The following NLGN1 variants were observed in gnomAD, a reference collection of about 807,000 sequenced individuals.
The protein encoded by NLGN1 is neuroligin-1.
NLGN1 carries 12 observed loss-of-function variants against 65.5 expected under a neutral mutation model. That is an observed-to-expected ratio of 0.18 (90% CI 0.12 to 0.30). NLGN1 has a LOEUF of 0.30. NLGN1 is among the 10% of genes least tolerant of loss of function. The pLI, the probability that NLGN1 is intolerant of heterozygous loss-of-function variation, is 1.00. For missense variants in NLGN1, 750 were observed against 1,007.1 expected, an observed-to-expected ratio of 0.74 and a Z score of 3.46; for synonymous variants, 350 against 359.5, an observed-to-expected ratio of 0.97 and a Z score of 0.30.
rs534717590 is a variant in NLGN1, at chr3:173,588,942, A to G, written c.-320-15337A>G. Among the ~76,000 whole-genome samples, 11 of 152,344 alleles carry G rather than the reference A, an allele frequency of 7.2e-5. No individual in the cohort carries two copies. In the East Asian group the frequency reaches 1.3e-3, roughly 19 times the overall value. On this transcript the variant is annotated intron_variant, in intron 2 of 6. Transcript: ENST00000457714. ...GATGGGACTAATGAGTTTTAATAATACACATATTAGGGACCGCTAAAGGAA... is the reference window on the plus strand; with the variant it reads ...GATGGGACTAATGAGTTTTAATAATGCACATATTAGGGACCGCTAAAGGAA...
intron 4 of NLGN1, among the ~76,000 whole-genome samples, chr3:174,233,858 A>G (rs1741177683): frequency 6.6e-6 from 1 of 152,206 alleles, no homozygotes; most frequent in Admixed American, 6.5e-5. Flanking sequence ...AAATATTACC[A>G]TCTTTGCCAT....
intron 4 of NLGN1, among the ~76,000 whole-genome samples, chr3:173,973,212 G>GA: frequency 6.6e-6 from 1 of 152,194 alleles, no homozygotes; most frequent in East Asian, 1.9e-4. Context: ...ATCATTGTGG[G>GA]AAAATGGAAT....
At chr3:173,927,484 G>A (rs891550108) in intron 4 of NLGN1, among the ~76,000 whole-genome samples, 7 of 152,066 alleles carry the variant, frequency 4.6e-5, no homozygotes, top group South Asian at 2.1e-4. Context: ...GAAACTTAAG[G>A]GAGGGATGGG....
At chr3:173,781,689 C>T (rs1270056137) in intron 3 of NLGN1, among the ~76,000 whole-genome samples, 1 of 152,124 alleles carries the variant, frequency 6.6e-6, no homozygotes, top group Non-Finnish European at 1.5e-5. Context: ...CTCCCCGTGT[C>T]TCAGTAATTG....
intron 4 of NLGN1, among the ~76,000 whole-genome samples, chr3:173,866,250 G>C (rs1730140477): frequency 6.6e-6 from 1 of 152,158 alleles, no homozygotes; most frequent in Non-Finnish European, 1.5e-5. Context: ...ACAGTAATTA[G>C]ATAGGTAGTG....
chr3:174,067,781 C>T (rs1319809598), intron 4 of NLGN1, among the ~76,000 whole-genome samples: 1 of 152,088 alleles, frequency 6.6e-6, no homozygotes, highest in Non-Finnish European at 1.5e-5. Flanking sequence ...TCAGATTCAA[C>T]TATTTGAAGA....
intron 4 of NLGN1, among the ~76,000 whole-genome samples, chr3:173,967,266 G>C (rs4894641): frequency 0.2 from 29,972 of 152,146 alleles, 3,197 homozygotes; most frequent in East Asian, 0.34. Flanking sequence ...GACAGTGATA[G>C]CAGCAAACAG....
intron 4 of NLGN1, among the ~76,000 whole-genome samples, chr3:174,212,363 C>G (rs1039464036): frequency 6.6e-6 from 1 of 152,234 alleles, no homozygotes; most frequent in Non-Finnish European, 1.5e-5. Flanking sequence ...CCCTCCACAC[C>G]TCCCCGCAAG....
At chr3:174,259,442 T>C (rs904765992) in intron 4 of NLGN1, among the ~76,000 whole-genome samples, 2 of 152,034 alleles carry the variant, frequency 1.3e-5, no homozygotes, top group African/African-American at 4.8e-5. Context: ...GGCTTTTTTT[T>C]TCTACTCTCT....
intron 4 of NLGN1, among the ~76,000 whole-genome samples, chr3:173,979,657 C>G (rs1718323918): frequency 6.6e-6 from 1 of 152,094 alleles, no homozygotes; most frequent in Non-Finnish European, 1.5e-5. Context: ...TATGCTAAGC[C>G]TGGTATGCAG....
intron 4 of NLGN1, among the ~76,000 whole-genome samples, chr3:173,959,395 A>G (rs1235415343): frequency 6.6e-6 from 1 of 152,204 alleles, no homozygotes; most frequent in Admixed American, 6.5e-5. Context: ...AACAAGAGAA[A>G]AGGAGTCTAT....
chr3:174,076,724 AGT>A (rs143103332), intron 4 of NLGN1, among the ~76,000 whole-genome samples: 1,880 of 81,606 alleles, frequency 0.023, 13 homozygotes, highest in African/African-American at 0.038. Context: ...AGAGAGAGAG[AGT>A]GTGTGTGTGT....
intron 4 of NLGN1, among the ~76,000 whole-genome samples, chr3:174,127,753 A>T (rs1719265148): frequency 6.6e-6 from 1 of 152,178 alleles, no homozygotes; most frequent in African/African-American, 2.4e-5. Context: ...TTCATGTATT[A>T]TTTGAAATGC....
At chr3:173,815,107 T>A (rs1257215679) in intron 4 of NLGN1, among the ~76,000 whole-genome samples, 4 of 150,762 alleles carry the variant, frequency 2.7e-5, no homozygotes, top group Non-Finnish European at 5.9e-5. Flanking sequence ...CTTCCTGCCT[T>A]CCTTCATTCC....
Position 173,563,833 on chromosome 3 carries a change from G to T in NLGN1, c.-320-40446G>T, listed in dbSNP as rs539727658. The stretch of plus-strand genomic sequence containing the variant: ...TTTGGATTTCTGCAACAGGCTTCTT[G>T]CTCGTCTTCCTGTTTCCATCTTTGT... On this transcript the variant is annotated intron_variant, in intron 2 of 6. Transcript: ENST00000457714. Among the ~76,000 whole-genome samples, 15 of 152,288 alleles carry T rather than the reference G, an allele frequency of 9.8e-5. No homozygotes were observed. The South Asian group carries it at 2.9e-3, about 29-fold the overall frequency.
intron 4 of NLGN1, among the ~76,000 whole-genome samples, chr3:174,182,988 C>A (rs1261336887): frequency 6.6e-6 from 1 of 152,188 alleles, no homozygotes; most frequent in African/African-American, 2.4e-5. Flanking sequence ...TAATTCCTAT[C>A]ACCTGCCATT....
At chr3:174,017,925 G>A (rs1726939828) in intron 4 of NLGN1, among the ~76,000 whole-genome samples, 1 of 152,130 alleles carries the variant, frequency 6.6e-6, no homozygotes, top group Admixed American at 6.6e-5. Context: ...CAACTGGTCT[G>A]ACCAAAATTT....
At chr3:173,882,382 A>G (rs953051012) in intron 4 of NLGN1, among the ~76,000 whole-genome samples, 2 of 152,288 alleles carry the variant, frequency 1.3e-5, no homozygotes, top group Admixed American at 6.5e-5. Flanking sequence ...ATTGACTTCT[A>G]TTTAGATATG....
intron 4 of NLGN1, among the ~76,000 whole-genome samples, chr3:174,210,664 C>T (rs1435050506): frequency 6.6e-6 from 1 of 152,162 alleles, no homozygotes; most frequent in Non-Finnish European, 1.5e-5. Context: ...TTTCTTCTCC[C>T]TACCAGCTCT....
Sources: gnomAD v4.1 joint callset for allele counts (sites outside exome capture counted in the v4.1 genomes callset) on GRCh38, gnomAD v4.1.1 for gene constraint, MANE v1.5 for transcripts, NCBI Gene and HGNC (gene_info 2026-07-23, HGNC 2026-07-21) for gene names.